NSG2: variants seen among roughly 807,000 people sequenced by gnomAD.
NSG2 encodes the protein neuronal vesicle trafficking-associated protein 2.
Under a neutral mutation model 16.9 loss-of-function variants are expected in NSG2, and 4 were observed. The ratio of observed to expected loss-of-function variants is 0.24; its 90% confidence interval spans 0.12 to 0.54. The LOEUF is 0.54. NSG2 is among the 20% of genes least tolerant of loss of function. The pLI is 0.95. For missense variants in NSG2, 179 were observed against 221.1 expected (o/e 0.81, Z 1.21); for synonymous variants, 98 against 88.7 (o/e 1.11, Z -0.59).
chr5:174,101,914 C>G (rs1253031566), intron 3 of NSG2, among the ~76,000 whole-genome samples: 1 of 152,152 alleles, frequency 6.6e-6, no homozygotes, highest in Non-Finnish European at 1.5e-5. Flanking sequence ...TTAAGTCCAA[C>G]TTCTCTTGAT....
chr5:174,059,094 G>A (rs181991013), intron 2 of NSG2, among the ~76,000 whole-genome samples: 83 of 152,264 alleles, frequency 5.5e-4, no homozygotes, highest in Middle Eastern at 6.8e-3. Context: ...CCTAATTTCA[G>A]TACCCTCTAA....
chr5:174,054,822 A>C (rs1040562008), intron 2 of NSG2, among the ~76,000 whole-genome samples: 9 of 152,218 alleles, frequency 5.9e-5, no homozygotes, highest in African/African-American at 2.2e-4. Flanking sequence ...TCAGAATAGC[A>C]CAGTTTAAAT....
intron 2 of NSG2, among the ~76,000 whole-genome samples, chr5:174,047,504 A>G (rs1257869507): frequency 6.6e-6 from 1 of 152,204 alleles, no homozygotes; most frequent in Non-Finnish European, 1.5e-5. Context: ...AGAGGAGAGC[A>G]TTTGAATTGG....
In NSG2 at chr5:174,072,532, T is replaced by C. The variant is rs1315358365; in HGVS notation, c.213+8217T>C. Among the ~76,000 whole-genome samples the C allele has an allele frequency of 6.6e-6, 1 of 152,262 alleles. No homozygotes were observed. Among genetic ancestry groups the C allele is most frequent in the Admixed American group, 6.5e-5 (1 of 15,286 alleles). On this transcript the variant is annotated intron_variant, in intron 3 of 4. Transcript: ENST00000303177. This position sits in a 1 kb window ranked among gnomAD's most constrained non-coding sequence, Gnocchi z 4.0. ...TTCTCCTTTGGGTTCCTGCATGTCCTATAGGACCCTCCATTCTAGTACCAA... is the reference window on the plus strand; with the variant it reads ...TTCTCCTTTGGGTTCCTGCATGTCCCATAGGACCCTCCATTCTAGTACCAA...
Position 174,072,323 on chromosome 5 carries a change from C to T in NSG2, c.213+8008C>T, listed in dbSNP as rs1760258517. The stretch of plus-strand genomic sequence containing the variant: ...CATAGGTGCATCCACCTCCCAGAAG[C>T]AGTGGCCCTTCCCTCATGATCCTGT... On this transcript the variant is annotated intron_variant, in intron 3 of 4. Coordinates refer to ENST00000303177, the MANE Select transcript of NSG2 (RefSeq NM_015980.5). This position sits in a 1 kb window ranked among gnomAD's most constrained non-coding sequence, Gnocchi z 4.0. 6.6e-6 allele frequency among the ~76,000 whole-genome samples: 1 copy of T among 152,246 alleles called. No homozygotes were observed. Among genetic ancestry groups the T allele is most frequent in the Non-Finnish European group, 1.5e-5 (1 of 68,048 alleles).
intron 3 of NSG2, among the ~76,000 whole-genome samples, chr5:174,068,892 G>A (rs1446712155): frequency 6.6e-6 from 1 of 150,420 alleles, no homozygotes; most frequent in Non-Finnish European, 1.5e-5. Flanking sequence ...GGGAATCCTG[G>A]TGCTATGGAA....
chr5:174,083,215 C>T (rs1178591643), intron 3 of NSG2, among the ~76,000 whole-genome samples: 1 of 152,222 alleles, frequency 6.6e-6, no homozygotes. Flanking sequence ...ACCACGTATA[C>T]GTCATCCCTG....
chr5:174,062,518 T>C (rs928085285), intron 2 of NSG2: 2 of 152,228 alleles, frequency 1.3e-5, no homozygotes, highest in East Asian at 1.9e-4. Context: ...TAAGCTCTCA[T>C]CCATGTTTGG....
rs574809246 is a variant in NSG2 at position 174,059,774 on chromosome 5, C to T, written c.130-4458C>T. 5.3e-5 allele frequency among the ~76,000 whole-genome samples: 8 copies of T among 152,266 alleles called. No individual in the cohort carries two copies. The South Asian group carries it at 1.7e-3, about 32-fold the overall frequency. The stretch of plus-strand genomic sequence containing the variant: ...TCTTTGTGTGCTGCCTTGTTCTTCT[C>T]CTGGTTCCCATCAAGATGGCAACAA... On this transcript the variant is annotated intron_variant, in intron 2 of 4. Transcript: ENST00000303177.
At chr5:174,068,766 C>T in intron 3 of NSG2, among the ~76,000 whole-genome samples, 1 of 105,098 alleles carries the variant, frequency 9.5e-6, no homozygotes, top group East Asian at 3.2e-4. Flanking sequence ...GTGGAAGGTG[C>T]TGGTGTCATG....
chr5:174,087,626 A>T (rs968206720), intron 3 of NSG2, among the ~76,000 whole-genome samples: 1 of 151,666 alleles, frequency 6.6e-6, no homozygotes, highest in African/African-American at 2.4e-5. Context: ...CAAAAAAATA[A>T]TAAAAAAAAA....
At chr5:174,094,112 T>C (rs1010716538) in intron 3 of NSG2, among the ~76,000 whole-genome samples, 7 of 152,124 alleles carry the variant, frequency 4.6e-5, no homozygotes, top group Admixed American at 6.5e-5. Flanking sequence ...ATGGTTAGGG[T>C]TGAGGGCTTT....
In NSG2 at chr5:174,055,081, G is replaced by A. The variant is rs74653282; in HGVS notation, c.129+8197G>A. Among the ~76,000 whole-genome samples the A allele has an allele frequency of 5.6e-3, 857 of 152,266 alleles. 6 individuals are homozygous for A. Among genetic ancestry groups the A allele is most frequent in the African/African-American group, 0.02 (821 of 41,556 alleles). Reference sequence around the variant, plus strand: ...TCCCAGAAACAGGTTCCCTGTTTCCGGAGGTCACAGGGCTACCCCAGGCAG... The same window carrying A: ...TCCCAGAAACAGGTTCCCTGTTTCCAGAGGTCACAGGGCTACCCCAGGCAG... On this transcript the variant is annotated intron_variant, in intron 2 of 4. Transcript: ENST00000303177.
intron 3 of NSG2, among the ~76,000 whole-genome samples, chr5:174,071,804 G>A (rs1760247292): frequency 6.6e-6 from 1 of 152,198 alleles, no homozygotes; most frequent in African/African-American, 2.4e-5. Flanking sequence ...GTGCAGCTGG[G>A]CCACCTGCCC....
intron 3 of NSG2, among the ~76,000 whole-genome samples, chr5:174,067,686 C>T (rs756555037): frequency 2.6e-5 from 4 of 152,338 alleles, no homozygotes; most frequent in Non-Finnish European, 5.9e-5. Flanking sequence ...ATGAAGGATG[C>T]ACCTGCAGGT....
At chr5:174,048,429 A>T (rs552296923) in intron 2 of NSG2, among the ~76,000 whole-genome samples, 2 of 152,298 alleles carry the variant, frequency 1.3e-5, no homozygotes, top group East Asian at 3.9e-4. Context: ...GGAGTCAGGG[A>T]TTATTCATTC....
intron 3 of NSG2, among the ~76,000 whole-genome samples, chr5:174,071,184 G>T (rs1760235503): frequency 6.6e-6 from 1 of 152,188 alleles, no homozygotes; most frequent in African/African-American, 2.4e-5. Flanking sequence ...ACCAAGAACT[G>T]GAAATGAGAG....
rs1038991995 is a variant in NSG2 at position 174,045,786 on chromosome 5, GTCC to G, written c.-71_-69del. 45 of 152,532 alleles carry G rather than the reference GTCC, an allele frequency of 3.0e-4. No individual in the cohort carries two copies. The highest frequency in any genetic ancestry group is 1.0e-3 in the African/African-American group (43 of 41,574). 9.4% of individuals were successfully genotyped at this position (152,532 alleles called of 1,614,324 possible). ...GGCTGAGGAGGGAGGACTCCTGGCC[GTCC>G]TCCTCCTCTTCAAATTGGCTTGAAT... On this transcript the variant is annotated 5_prime_UTR_variant, in exon 1 of 5. Transcript: ENST00000303177.
chr5:174,097,953 C>T (rs989859234), intron 3 of NSG2, among the ~76,000 whole-genome samples: 1 of 152,018 alleles, frequency 6.6e-6, no homozygotes, highest in Non-Finnish European at 1.5e-5. Flanking sequence ...TTGTATGAGT[C>T]ACTACTGGGC....
Sources: gnomAD v4.1 joint callset for allele counts (sites outside exome capture counted in the v4.1 genomes callset) on GRCh38, gnomAD v4.1.1 for gene constraint, Gnocchi (gnomAD v3.1) non-coding constraint, MANE v1.5 for transcripts, NCBI Gene and HGNC (gene_info 2026-07-23, HGNC 2026-07-21) for gene names.